ZC3H12B: variants seen among roughly 807,000 people sequenced by gnomAD.
ZC3H12B encodes probable ribonuclease ZC3H12B.
A neutral mutation model predicts 43.9 loss-of-function variants in ZC3H12B; 7 were observed. The observed-to-expected ratio is 0.16, with a 90% CI of 0.09 to 0.30. The LOEUF (loss-of-function observed/expected upper bound fraction) is 0.30, where lower values mean the gene tolerates loss of function less well. Among genes scored for constraint, ZC3H12B ranks in the 10% least tolerant of loss-of-function variants. The pLI, the probability that ZC3H12B is intolerant of heterozygous loss-of-function variation, is 1.00. For missense variants in ZC3H12B, 475 were observed against 670.2 expected (o/e 0.71, Z 3.22); for synonymous variants, 222 against 241.7 (o/e 0.92, Z 0.76).
At chrX:65,400,356 A>G (rs2066748847) in intron 3 of ZC3H12B, among the ~76,000 whole-genome samples, 1 of 110,906 alleles carries the variant, frequency 9.0e-6, no homozygotes, top group Non-Finnish European at 1.9e-5. Flanking sequence ...AGTAGGAAAT[A>G]AACTCAAAGG....
exon 1 of ZC3H12B, chrX:65,366,715 A>G (rs2066179519): frequency 8.9e-6 from 1 of 112,170 alleles, no homozygotes; most frequent in Non-Finnish European, 1.9e-5. Context: ...GATACTTGAA[A>G]GAAGAGATAA....
chrX:65,162,211 A>G, the ZC3H12B span, among the ~76,000 whole-genome samples: 1 of 109,847 alleles, frequency 9.1e-6, no homozygotes, highest in African/African-American at 3.3e-5. Flanking sequence ...TTTTTCCTTC[A>G]TTTCATCTTT....
the ZC3H12B span, among the ~76,000 whole-genome samples, chrX:65,231,675 A>T: frequency 2.3e-4 from 26 of 111,225 alleles, no homozygotes; most frequent in East Asian, 6.0e-3. Flanking sequence ...TTCTGCAAGA[A>T]GAAAAATATG....
At chrX:65,358,019 T>TAA in the ZC3H12B span, among the ~76,000 whole-genome samples, 12,522 of 90,468 alleles carry the variant, frequency 0.14, 2,119 homozygotes, top group African/African-American at 0.44. Flanking sequence ...AAATGGAAAG[T>TAA]AAAAAAAAAA....
chrX:65,068,343 A>T, the ZC3H12B span, among the ~76,000 whole-genome samples: 3 of 109,397 alleles, frequency 2.7e-5, no homozygotes, highest in African/African-American at 1.0e-4. Context: ...TGGTGATATG[A>T]TTTACTTTGT....
At chrX:65,399,935 C>T (rs1457596649) in intron 3 of ZC3H12B, among the ~76,000 whole-genome samples, 1 of 111,083 alleles carries the variant, frequency 9.0e-6, no homozygotes, top group Non-Finnish European at 1.9e-5. Flanking sequence ...GGCAGAAAGA[C>T]AAATATCCCA....
the ZC3H12B span, among the ~76,000 whole-genome samples, chrX:65,145,504 C>G: frequency 9.9e-5 from 11 of 111,503 alleles, no homozygotes; most frequent in East Asian, 2.8e-4. Context: ...CCATTTTATT[C>G]TTCGTGCTAT....
At chrX:65,047,246 C>A in the ZC3H12B span, among the ~76,000 whole-genome samples, 4 of 111,045 alleles carry the variant, frequency 3.6e-5, no homozygotes, top group African/African-American at 1.3e-4. Flanking sequence ...AAATGAGGTA[C>A]CCCTGCATAT....
At chrX:65,290,718 A>G in the ZC3H12B span, among the ~76,000 whole-genome samples, 1 of 111,594 alleles carries the variant, frequency 9.0e-6, no homozygotes, top group Non-Finnish European at 1.9e-5. Context: ...GGATGGAACT[A>G]GAGGTCATCA....
chrX:65,367,452 A>G (rs914243494), intron 1 of ZC3H12B, among the ~76,000 whole-genome samples: 3 of 111,736 alleles, frequency 2.7e-5, no homozygotes, highest in African/African-American at 9.7e-5. Context: ...GAGAGTTATG[A>G]GTATATTTAC....
At chrX:65,239,250 G>C in the ZC3H12B span, among the ~76,000 whole-genome samples, 2 of 111,083 alleles carry the variant, frequency 1.8e-5, no homozygotes, top group Non-Finnish European at 3.8e-5. Context: ...ATGAATCTTG[G>C]TCCTCCCATA....
the ZC3H12B span, among the ~76,000 whole-genome samples, chrX:65,056,974 G>A: frequency 9.0e-6 from 1 of 111,681 alleles, no homozygotes; most frequent in Admixed American, 9.5e-5. Flanking sequence ...TTGAGCCTAT[G>A]TGTGTCTCTG....
At chrX:65,468,910 C>T (rs1407927317) in intron 3 of ZC3H12B, among the ~76,000 whole-genome samples, 4 of 108,962 alleles carry the variant, frequency 3.7e-5, no homozygotes, top group Admixed American at 3.0e-4. Context: ...CCTAAAACTC[C>T]GAGCACTGGG....
chrX:65,120,796 A>G, the ZC3H12B span, among the ~76,000 whole-genome samples: 1 of 111,117 alleles, frequency 9.0e-6, no homozygotes, highest in African/African-American at 3.3e-5. Flanking sequence ...TGTCATAGAT[A>G]CCTCTTATTA....
At chrX:65,452,702 G>A (rs748364605) in intron 3 of ZC3H12B, among the ~76,000 whole-genome samples, 3 of 110,949 alleles carry the variant, frequency 2.7e-5, no homozygotes, top group East Asian at 2.8e-4. Flanking sequence ...TTTGCCAGGC[G>A]TAGTGGTAGG....
chrX:65,488,807 G>A (rs1182099028), exon 1 of ZC3H12B: 2 of 1,183,036 alleles, frequency 1.7e-6, no homozygotes, highest in South Asian at 3.8e-5. Context: ...ACGGGATGAC[G>A]GCCACAGCTG....
At chrX:65,129,065 A>T in the ZC3H12B span, among the ~76,000 whole-genome samples, 2 of 110,440 alleles carry the variant, frequency 1.8e-5, no homozygotes, top group African/African-American at 6.6e-5. Flanking sequence ...GTTAGGGCTT[A>T]TAAGTCTGCC....
the ZC3H12B span, among the ~76,000 whole-genome samples, chrX:65,152,999 A>G: frequency 8.9e-6 from 1 of 112,140 alleles, no homozygotes; most frequent in Admixed American, 9.5e-5. Context: ...TCCCTATTTA[A>G]TAAATGGTGC....
chrX:65,298,211 C>A, the ZC3H12B span, among the ~76,000 whole-genome samples: 8 of 111,875 alleles, frequency 7.2e-5, no homozygotes, highest in Admixed American at 2.8e-4. Flanking sequence ...AGTAAACAGA[C>A]AACCCACAGA....
Sources: gnomAD v4.1 joint callset for allele counts (sites outside exome capture counted in the v4.1 genomes callset) on GRCh38, gnomAD v4.1.1 for gene constraint, MANE v1.5 for transcripts, NCBI Gene and HGNC (gene_info 2026-07-23, HGNC 2026-07-21) for gene names.